The following TTL variants were observed in gnomAD, a reference collection of about 807,000 sequenced individuals.
TTL encodes the protein tubulin tyrosine ligase.
In TTL, 10 loss-of-function variants were observed where a neutral mutation model predicts 41.1. The observed-to-expected ratio is 0.24, with a 90% CI of 0.15 to 0.41. The LOEUF is 0.41. Among genes scored for constraint, TTL ranks in the 10% least tolerant of loss-of-function variants. The pLI is 1.00. For missense variants in TTL, 367 were observed against 460.4 expected (o/e 0.80, Z 1.86); for synonymous variants, 175 against 175.5 (o/e 1.00, Z 0.02).
intron 3 of TTL, 73 bp downstream of exon 3, chr2:112,494,448 T>G: frequency 8.6e-7 from 1 of 1,165,176 alleles, no homozygotes; most frequent in South Asian, 1.5e-5. Context: ...TGAATGACCC[T>G]ATTTTAATCT....
At chr2:112,492,736 A>G (rs1681422045) in intron 2 of TTL, among the ~76,000 whole-genome samples, 2 of 150,892 alleles carry the variant, frequency 1.3e-5, no homozygotes, top group Admixed American at 1.3e-4. Flanking sequence ...TCTCCAAAAA[A>G]AAAAATTTGC....
intron 6 of TTL, among the ~76,000 whole-genome samples, chr2:112,526,882 G>T (rs1287719380): frequency 6.6e-6 from 1 of 151,956 alleles, no homozygotes; most frequent in African/African-American, 2.4e-5. Flanking sequence ...GTGAAGTTAG[G>T]GTATCAATTT....
chr2:112,503,031 A>G lies in TTL; in HGVS notation c.725A>G (p.Asn242Ser). Residue 242 changes from asparagine to serine, a missense_variant, in exon 5 of 7, where the codon AAT (asparagine) becomes AGT (serine). Coordinates refer to ENST00000233336, the MANE Select transcript of TTL (RefSeq NM_153712.5). ...NFQDKTCHLT[N>S]HCIQKEYSKN... ...CAAGACAAAACCTGCCATTTGACCA[A>G]TCACTGCATTCAAAAAGAGTATTCA... 3.1e-6 allele frequency: 5 copies of G among 1,614,118 alleles called. No homozygotes were observed. The highest frequency in any genetic ancestry group is 4.2e-6 in the Non-Finnish European group (5 of 1,180,020).
intron 1 of TTL, among the ~76,000 whole-genome samples, chr2:112,485,356 C>G (rs1681213411): frequency 6.6e-6 from 1 of 152,102 alleles, no homozygotes; most frequent in East Asian, 1.9e-4. Flanking sequence ...AATGAGTTTC[C>G]CCATGGAATG....
chr2:112,517,017 C>T (rs989443357), intron 5 of TTL, among the ~76,000 whole-genome samples: 7 of 152,050 alleles, frequency 4.6e-5, no homozygotes, highest in Admixed American at 3.9e-4. Flanking sequence ...TATAAATGCT[C>T]CCAGCAGCTC....
At chr2:112,498,157 C>G (rs553990812) in intron 3 of TTL, among the ~76,000 whole-genome samples, 2 of 152,110 alleles carry the variant, frequency 1.3e-5, no homozygotes, top group Non-Finnish European at 2.9e-5. Context: ...AACCCTGTCT[C>G]TATAAAAATA....
chr2:112,526,278 G>A (rs1682370272), intron 6 of TTL, among the ~76,000 whole-genome samples: 1 of 152,150 alleles, frequency 6.6e-6, no homozygotes, highest in African/African-American at 2.4e-5. Context: ...CCAGGCTTTG[G>A]TGTCAGGATG....
chr2:112,501,387 A>T, intron 4 of TTL, 46 bp downstream of exon 4: 1 of 1,498,766 alleles, frequency 6.7e-7, no homozygotes, highest in South Asian at 1.2e-5. Flanking sequence ...CATCTGAAAA[A>T]ACTGCCATGG....
At position 112,532,503 on chromosome 2, in the gene TTL, C is replaced by G. The variant is rs904962804; in HGVS notation, c.*3708C>G. 3.7e-5 allele frequency: 8 copies of G among 215,232 alleles called. No individual in the cohort carries two copies. The highest frequency in any genetic ancestry group is 1.8e-4 in the African/African-American group (8 of 44,284). 13.3% of individuals were successfully genotyped at this position (215,232 alleles called of 1,614,324 possible). ...CCATATAATTAGCCGGGCATGGTGG[C>G]ATGTGGTGGTGGCTGAGGTGGGAGG... is the stretch of plus-strand genomic sequence containing the variant. On this transcript the variant is annotated 3_prime_UTR_variant, in exon 7 of 7. Transcript: ENST00000233336.
At chr2:112,501,968 G>A (rs1035240618) in intron 4 of TTL, among the ~76,000 whole-genome samples, 16 of 152,172 alleles carry the variant, frequency 1.1e-4, no homozygotes, top group African/African-American at 3.9e-4. Context: ...TGAGAGATGT[G>A]CATGGAACAC....
At chr2:112,525,197 T>C (rs1023388975) in intron 6 of TTL, among the ~76,000 whole-genome samples, 2 of 152,222 alleles carry the variant, frequency 1.3e-5, no homozygotes, top group Non-Finnish European at 2.9e-5. Flanking sequence ...ACTGTAGCCT[T>C]GTAGTATAGT....
rs189332814 is a variant in TTL at position 112,528,975 on chromosome 2, G to T, written c.*180G>T. 8 of 619,512 alleles carry T rather than the reference G, an allele frequency of 1.3e-5. No homozygotes were observed. The highest frequency in any genetic ancestry group is 4.1e-4 in the Middle Eastern group (1 of 2,426). 38.4% of individuals were successfully genotyped at this position (619,512 alleles called of 1,614,324 possible). A position where few individuals can be genotyped will look rare whatever the true frequency, so the allele number is the denominator to read the frequency against. ...CTCCCAAAGAGAGGGCTGCTCAGGG[G>T]GCTTCCCAGATGTAGCTCTCAGCAG... On this transcript the variant is annotated 3_prime_UTR_variant, in exon 7 of 7. Coordinates refer to ENST00000233336, the MANE Select transcript of TTL (RefSeq NM_153712.5).
In TTL at chr2:112,531,615, G is replaced by GCCT. The variant is rs1682511032; in HGVS notation, c.*2821_*2823dup. On this transcript the variant is annotated 3_prime_UTR_variant, in exon 7 of 7. Transcript: ENST00000233336. ...CTCAGACAGCAATATGCCTTGAGAT[G>GCCT]CCTTGAACCATGCTTGAGAAGGAAG... The GCCT allele has an allele frequency of 4.4e-6, 1 of 227,970 alleles. No homozygotes were observed. The highest frequency in any genetic ancestry group is 8.7e-6 in the Non-Finnish European group (1 of 114,772). The allele number at this position is 227,970 out of a possible 1,614,324, so 14.1% of individuals were successfully genotyped here.
chr2:112,531,440 C>T lies in TTL; in HGVS notation c.*2645C>T, dbSNP rs1682506563. On this transcript the variant is annotated 3_prime_UTR_variant, in exon 7 of 7. Transcript: ENST00000233336. The stretch of plus-strand genomic sequence containing the variant: ...CCTGACCCAGGGACTACCTCAAGGG[C>T]TTTTGATGAGGACAAGTGACAGTAG... 1 of 229,724 alleles carries T rather than the reference C, an allele frequency of 4.4e-6. No individual in the cohort carries two copies. The highest frequency in any genetic ancestry group is 2.2e-5 in the African/African-American group (1 of 45,134). 14.2% of individuals were successfully genotyped at this position (229,724 alleles called of 1,614,324 possible).
chr2:112,484,609 A>G (rs1056607983), intron 1 of TTL, among the ~76,000 whole-genome samples: 2 of 152,110 alleles, frequency 1.3e-5, no homozygotes, highest in Non-Finnish European at 2.9e-5. Context: ...CTACAACAAA[A>G]TTGGTTATAT....
intron 1 of TTL, among the ~76,000 whole-genome samples, chr2:112,484,466 T>G (rs943751104): frequency 2.2e-4 from 34 of 152,082 alleles, no homozygotes; most frequent in African/African-American, 7.5e-4. Context: ...GGTTTTGCCG[T>G]GTTGGTCAGG....
rs375376633 is a variant in TTL at position 112,528,768 on chromosome 2, C to G, written c.1107C>G (p.Thr369=). 6.2e-6 allele frequency: 10 copies of G among 1,613,974 alleles called. No homozygotes were observed. The highest frequency in any genetic ancestry group is 8.5e-6 in the Non-Finnish European group (10 of 1,180,022). The change falls in exon 7 of 7, where the codon ACC becomes ACG. Residue 369 remains threonine, a synonymous_variant. Transcript: ENST00000233336. ...CCCCAGATGTGGAGCAACCTCAGAC[C>G]CAGCCAGCTGCCTTCATCAAGCTGT... ...FPPPDVEQPQ[T]QPAAFIKL
intron 6 of TTL, 55 bp downstream of exon 6, chr2:112,520,480 G>A: frequency 6.2e-7 from 1 of 1,600,550 alleles, no homozygotes; most frequent in Non-Finnish European, 8.5e-7. Flanking sequence ...CTGCAGTTGG[G>A]ATAGTCTGTG....
At chr2:112,519,412 C>T (rs933611749) in intron 5 of TTL, among the ~76,000 whole-genome samples, 1 of 152,120 alleles carries the variant, frequency 6.6e-6, no homozygotes, top group African/African-American at 2.4e-5. Flanking sequence ...CACTAAAATC[C>T]TGCCATTTTT....
Sources: allele counts gnomAD v4.1 joint callset (sites outside exome capture counted in the v4.1 genomes callset), GRCh38; gene constraint gnomAD v4.1.1; transcripts MANE v1.5; gene names NCBI Gene and HGNC (gene_info 2026-07-23, HGNC 2026-07-21).